PCDH15: variants seen among roughly 807,000 people sequenced by gnomAD.
The protein encoded by PCDH15 is protocadherin-15.
A neutral mutation model predicts 178.5 loss-of-function variants in PCDH15; 129 were observed. That is an observed-to-expected ratio of 0.72 (90% CI 0.63 to 0.84). The LOEUF (loss-of-function observed/expected upper bound fraction) is 0.84, where lower values mean the gene tolerates loss of function less well. Ranked by LOEUF, PCDH15 falls within the 40% of genes least tolerant of loss-of-function variation. The pLI is 0.00. For missense variants in PCDH15, 2,230 were observed against 2,099.9 expected, an observed-to-expected ratio of 1.06 and a Z score of -1.21; for synonymous variants, 800 against 732.0, an observed-to-expected ratio of 1.09 and a Z score of -1.50.
chr10:54,012,435 G>T (rs2092617700), intron 20 of PCDH15, among the ~76,000 whole-genome samples: 1 of 151,866 alleles, frequency 6.6e-6, no homozygotes, highest in South Asian at 2.1e-4. Flanking sequence ...TTTAAAAACT[G>T]CAGAGAACTG....
chr10:54,104,004 T>C (rs1041182853), intron 15 of PCDH15, among the ~76,000 whole-genome samples: 4 of 152,148 alleles, frequency 2.6e-5, no homozygotes, highest in Admixed American at 6.5e-5. Context: ...TGAACTTACC[T>C]CTAGGGGCCC....
At chr10:54,611,962 T>C (rs560583232) in intron 2 of PCDH15, among the ~76,000 whole-genome samples, 2 of 151,936 alleles carry the variant, frequency 1.3e-5, no homozygotes, top group South Asian at 4.2e-4. Context: ...ATAGAGTGAA[T>C]AAATACAAAA....
At chr10:55,168,541 C>T (rs17531877) in intron 1 of PCDH15, among the ~76,000 whole-genome samples, 18,098 of 152,174 alleles carry the variant, frequency 0.12, 1,456 homozygotes, top group Non-Finnish European at 0.17. Context: ...CATTTGTGAA[C>T]AGTGCTGAAC....
At chr10:54,047,506 C>T (rs904360817) in intron 18 of PCDH15, among the ~76,000 whole-genome samples, 2 of 151,752 alleles carry the variant, frequency 1.3e-5, no homozygotes, top group Non-Finnish European at 2.9e-5. Flanking sequence ...AATTCTATTG[C>T]CCATGTAGTG....
chr10:55,562,572 G>A (rs1009835654), intron 2 of PCDH15, among the ~76,000 whole-genome samples: 15 of 151,822 alleles, frequency 9.9e-5, no homozygotes, highest in Non-Finnish European at 2.2e-4. Context: ...CAGTGTCCAC[G>A]TGGCATACCT....
intron 1 of PCDH15, among the ~76,000 whole-genome samples, chr10:55,202,364 A>G (rs1215556649): frequency 1.3e-5 from 2 of 152,136 alleles, no homozygotes; most frequent in African/African-American, 4.8e-5. Flanking sequence ...TGGCAGATAT[A>G]GCTAATTTTA....
intron 8 of PCDH15, among the ~76,000 whole-genome samples, chr10:54,301,064 C>T (rs189216339): frequency 1.8e-3 from 277 of 152,052 alleles, no homozygotes; most frequent in African/African-American, 5.9e-3. Context: ...ACGAACCCAC[C>T]GGAAGGAAGA....
chr10:54,400,321 A>G (rs930469413), intron 3 of PCDH15, among the ~76,000 whole-genome samples: 2 of 152,146 alleles, frequency 1.3e-5, no homozygotes, highest in Admixed American at 6.6e-5. Context: ...CAAATAGTTT[A>G]AAATCAAAAT....
chr10:54,227,247 A>T (rs1295494427), intron 9 of PCDH15, among the ~76,000 whole-genome samples: 3 of 152,186 alleles, frequency 2.0e-5, no homozygotes, highest in Non-Finnish European at 2.9e-5. Flanking sequence ...TTAACATACA[A>T]GGCATTTCCA....
At chr10:54,377,755 G>A (rs879918921) in intron 4 of PCDH15, among the ~76,000 whole-genome samples, 5 of 152,046 alleles carry the variant, frequency 3.3e-5, no homozygotes, top group Non-Finnish European at 5.9e-5. Flanking sequence ...AGTTTTCCCA[G>A]GGCCCAGTGC....
At chr10:55,622,811 C>CCCCACT (rs1408242939) in intron 2 of PCDH15, among the ~76,000 whole-genome samples, 1 of 152,148 alleles carries the variant, frequency 6.6e-6, no homozygotes, top group Admixed American at 6.6e-5. Flanking sequence ...AATGTCCTCT[C>CCCCACT]CCCACTCCCA....
At chr10:55,241,606 A>G (rs947909969) in intron 1 of PCDH15, among the ~76,000 whole-genome samples, 2 of 152,006 alleles carry the variant, frequency 1.3e-5, no homozygotes, top group Non-Finnish European at 2.9e-5. Context: ...TAATTTTTGT[A>G]GAGACAGAGT....
intron 2 of PCDH15, among the ~76,000 whole-genome samples, chr10:55,151,154 T>C (rs947950696): frequency 6.6e-6 from 1 of 152,100 alleles, no homozygotes; most frequent in East Asian, 1.9e-4. Context: ...TTGCCAGATA[T>C]GTTCCCCTCT....
At chr10:55,464,654 A>ATGTG (rs767779818) in intron 2 of PCDH15, among the ~76,000 whole-genome samples, 1 of 13,814 alleles carries the variant, frequency 7.2e-5, no homozygotes, top group Non-Finnish European at 9.6e-5. Context: ...ATATATATAT[A>ATGTG]TGTGTGTGTG....
At chr10:55,453,953 C>G (rs958334187) in intron 2 of PCDH15, among the ~76,000 whole-genome samples, 1 of 152,024 alleles carries the variant, frequency 6.6e-6, no homozygotes, top group African/African-American at 2.4e-5. Flanking sequence ...AATAAAATCC[C>G]ATATACAATA....
intron 20 of PCDH15, among the ~76,000 whole-genome samples, chr10:54,002,633 T>C (rs371933836): frequency 2.8e-4 from 42 of 152,276 alleles, no homozygotes; most frequent in African/African-American, 9.9e-4. Flanking sequence ...TGAAAACTTT[T>C]TTGACCAAAT....
chr10:54,286,582 T>G (rs963668782), intron 8 of PCDH15, among the ~76,000 whole-genome samples: 1 of 152,188 alleles, frequency 6.6e-6, no homozygotes, highest in African/African-American at 2.4e-5. Context: ...AATGTTTTTG[T>G]TTTTGTTTTG....
rs2076323867 is a variant in PCDH15, at chr10:53,822,263, T to C, written c.4368-2033A>G. ...GTGGAGGGCAAGGAATAGAAGGAGG[T>C]GGTGGAGGAAGAGGAGTTGGAAATG... On this transcript the variant is annotated intron_variant, in intron 32 of 37. Coordinates refer to ENST00000644397, the MANE Select transcript of PCDH15 (RefSeq NM_001384140.1). 8 of 1,611,848 alleles carry C rather than the reference T, an allele frequency of 5.0e-6. No individual in the cohort carries two copies. In the East Asian group the frequency reaches 1.8e-4, roughly 36 times the overall value.
At chr10:54,537,294 C>G (rs191725974) in intron 2 of PCDH15, among the ~76,000 whole-genome samples, 1 of 152,018 alleles carries the variant, frequency 6.6e-6, no homozygotes, top group Non-Finnish European at 1.5e-5. Context: ...CCAACGCGAC[C>G]GGCCGCAATT....
Sources: allele counts gnomAD v4.1 joint callset (sites outside exome capture counted in the v4.1 genomes callset), GRCh38; gene constraint gnomAD v4.1.1; transcripts MANE v1.5; gene names NCBI Gene and HGNC (gene_info 2026-07-23, HGNC 2026-07-21).